PLN: variants seen among roughly 807,000 people sequenced by gnomAD.
PLN encodes the protein phospholamban.
A neutral mutation model predicts 3.9 loss-of-function variants in PLN; 1 was observed. That is an observed-to-expected ratio of 0.26 (90% CI 0.09 to 1.23). The LOEUF is 1.23. Among genes scored for constraint, PLN ranks in the 50% most tolerant of loss-of-function variants. The pLI is 0.48. For missense variants in PLN, 59 were observed against 62.7 expected (o/e 0.94, Z 0.20); for synonymous variants, 21 against 20.5 (o/e 1.02, Z -0.07).
intron 1 of PLN, among the ~76,000 whole-genome samples, chr6:118,554,885 G>T (rs1241747358): frequency 6.6e-6 from 1 of 152,184 alleles, no homozygotes; most frequent in African/African-American, 2.4e-5. Context: ...TTATGGAAAG[G>T]TGACATGTTT....
At chr6:118,553,173 A>G (rs113254931) in intron 1 of PLN, among the ~76,000 whole-genome samples, 1,677 of 151,602 alleles carry the variant, frequency 0.011, 43 homozygotes, top group African/African-American at 0.039. Flanking sequence ...TATGCTTTCC[A>G]TCGAAAAAGT....
chr6:118,550,806 T>C (rs1778496357), intron 1 of PLN, among the ~76,000 whole-genome samples: 1 of 151,936 alleles, frequency 6.6e-6, no homozygotes, highest in South Asian at 2.1e-4. Context: ...TACAAACTTC[T>C]ATTTTAATTA....
intron 1 of PLN, among the ~76,000 whole-genome samples, chr6:118,552,564 GTA>G (rs959532001): frequency 4.6e-5 from 7 of 151,668 alleles, no homozygotes; most frequent in African/African-American, 1.7e-4. Flanking sequence ...GCCTAACATG[GTA>G]TATGACATTA....
intron 1 of PLN, among the ~76,000 whole-genome samples, chr6:118,556,799 A>G (rs965280889): frequency 6.6e-6 from 1 of 152,202 alleles, no homozygotes; most frequent in Non-Finnish European, 1.5e-5. Flanking sequence ...TTCAAAATTG[A>G]CACATAAGTA....
chr6:118,554,189 G>A (rs201589696), intron 1 of PLN, among the ~76,000 whole-genome samples: 1 of 152,138 alleles, frequency 6.6e-6, no homozygotes, highest in East Asian at 1.9e-4. Context: ...TCAGGAGGCT[G>A]AGGCAGGGAG....
rs1779230840 is a variant in PLN, at chr6:118,561,664, T to A, written c.*2584T>A. Among the ~76,000 whole-genome samples the A allele has an allele frequency of 6.6e-6, 1 of 152,158 alleles. No homozygotes were observed. ...TTTTAATTGGTTAAGAATATATATT[T>A]GTTTAATGCAAATCAGAATCACTAT... On this transcript the variant is annotated 3_prime_UTR_variant, in exon 2 of 2. Transcript: ENST00000357525.
chr6:118,553,709 T>C (rs1302556313), intron 1 of PLN, among the ~76,000 whole-genome samples: 1 of 152,198 alleles, frequency 6.6e-6, no homozygotes, highest in African/African-American at 2.4e-5. Flanking sequence ...TTAGCTGTTG[T>C]AGGATTATAA....
intron 1 of PLN, among the ~76,000 whole-genome samples, 165 bp from the exon 2 acceptor site, chr6:118,558,660 C>CACACACAG (rs1318088942): frequency 4.9e-5 from 6 of 122,216 alleles, no homozygotes; most frequent in African/African-American, 1.6e-4. Flanking sequence ...CACACACACA[C>CACACACAG]AGAGAGAGAG....
intron 1 of PLN, among the ~76,000 whole-genome samples, chr6:118,550,718 T>A (rs1778492139): frequency 6.6e-6 from 1 of 151,880 alleles, no homozygotes; most frequent in African/African-American, 2.4e-5. Context: ...AAGTAAACCA[T>A]GACACTGACA....
chr6:118,555,275 C>CA (rs1056231477), intron 1 of PLN, among the ~76,000 whole-genome samples: 1 of 151,652 alleles, frequency 6.6e-6, no homozygotes, highest in African/African-American at 2.4e-5. Flanking sequence ...ACTAAAAACA[C>CA]AAAAAAATTA....
At chr6:118,557,224 G>A (rs1371907939) in intron 1 of PLN, among the ~76,000 whole-genome samples, 1 of 152,016 alleles carries the variant, frequency 6.6e-6, no homozygotes, top group African/African-American at 2.4e-5. Flanking sequence ...TTTTATTTTA[G>A]ATTAAAATTA....
At chr6:118,551,778 TG>T (rs573775721) in intron 1 of PLN, among the ~76,000 whole-genome samples, 147 of 152,160 alleles carry the variant, frequency 9.7e-4, no homozygotes, top group Non-Finnish European at 1.4e-3. Context: ...ACAGCCAGTC[TG>T]GACCAACAAA....
At chr6:118,553,929 T>C (rs1778695187) in intron 1 of PLN, among the ~76,000 whole-genome samples, 3 of 152,184 alleles carry the variant, frequency 2.0e-5, no homozygotes, top group Admixed American at 6.5e-5. Flanking sequence ...AGGAAAATAT[T>C]AGAGCTTACA....
chr6:118,558,658 C>CAG (rs1210740872), intron 1 of PLN, among the ~76,000 whole-genome samples, 167 bp from the exon 2 acceptor site: 39 of 124,908 alleles, frequency 3.1e-4, no homozygotes, highest in Middle Eastern at 3.6e-3. Context: ...CACACACACA[C>CAG]ACAGAGAGAG....
chr6:118,553,516 A>G (rs190806853), intron 1 of PLN, among the ~76,000 whole-genome samples: 1 of 152,200 alleles, frequency 6.6e-6, no homozygotes, highest in Non-Finnish European at 1.5e-5. Context: ...AATTAAATGT[A>G]TATCATTAAC....
chr6:118,555,810 C>T (rs1306950699), intron 1 of PLN, among the ~76,000 whole-genome samples: 4 of 151,308 alleles, frequency 2.6e-5, no homozygotes, highest in South Asian at 2.1e-4. Context: ...CCATCCTCCC[C>T]GCTCAAGTAG....
chr6:118,549,861 A>C lies in PLN; in HGVS notation c.-98+1469A>C, dbSNP rs140766707. 3.7e-3 allele frequency among the ~76,000 whole-genome samples: 564 copies of C among 151,994 alleles called. 3 individuals carry two copies. The highest frequency in any genetic ancestry group is 0.013 in the African/African-American group (538 of 41,546). ...TTCTGGATAGAGCAGAAATTATATT[A>C]AACTTACCCTTAGCTCACTAGTATG... is the stretch of plus-strand genomic sequence containing the variant. On this transcript the variant is annotated intron_variant, in intron 1 of 1. Transcript: ENST00000357525.
rs558554251 is a variant in PLN, at chr6:118,558,825, G to C, written c.-97G>C. The C allele has an allele frequency of 2.4e-6, 2 of 816,984 alleles. No homozygotes were observed. The highest frequency in any genetic ancestry group is 4.3e-6 in the Non-Finnish European group (2 of 467,356). The allele number at this position is 816,984 out of a possible 1,614,324, so 50.6% of individuals were successfully genotyped here. On this transcript the variant is annotated splice_region_variant and 5_prime_UTR_variant, in exon 2 of 2. Coordinates refer to ENST00000357525, the MANE Select transcript of PLN (RefSeq NM_002667.5). Reference sequence around the variant, plus strand: ...TCCATTTATTATTTTTACATTCCAGGCTACCTAAAAGAAGACAGTTATCTC... The same window carrying C: ...TCCATTTATTATTTTTACATTCCAGCCTACCTAAAAGAAGACAGTTATCTC...
At chr6:118,551,704 T>C (rs1228024975) in intron 1 of PLN, among the ~76,000 whole-genome samples, 1 of 152,026 alleles carries the variant, frequency 6.6e-6, no homozygotes, top group Non-Finnish European at 1.5e-5. Flanking sequence ...TGAGAATATA[T>C]TGATTTTTAT....
Sources: gnomAD v4.1 joint callset for allele counts (sites outside exome capture counted in the v4.1 genomes callset) on GRCh38, gnomAD v4.1.1 for gene constraint, MANE v1.5 for transcripts, NCBI Gene and HGNC (gene_info 2026-07-23, HGNC 2026-07-21) for gene names.